CCDC61: variants seen among roughly 807,000 people sequenced by gnomAD.
The protein encoded by CCDC61 is coiled-coil domain containing 61, also known as centrosomal protein CCDC61.
In CCDC61, 55 loss-of-function variants were observed where a neutral mutation model predicts 63.0. The ratio of observed to expected loss-of-function variants is 0.87; its 90% CI spans 0.70 to 1.09. The LOEUF is 1.09. Ranked by LOEUF, CCDC61 falls within the 50% of genes least tolerant of loss-of-function variation. The probability of loss-of-function intolerance (pLI) is 0.00; values close to 1 mark genes in which losing one functional copy is unlikely to be tolerated. For synonymous variants in CCDC61, 270 were observed against 317.0 expected, an observed-to-expected ratio of 0.85 and a Z score of 1.58; for missense variants, 651 against 731.4, an observed-to-expected ratio of 0.89 and a Z score of 1.27.
At chr19:46,017,178 C>T (rs1968960631) in intron 11 of CCDC61, 69 bp from the exon 12 acceptor site, 2 of 1,540,646 alleles carry the variant, frequency 1.3e-6, no homozygotes, top group African/African-American at 1.4e-5. Flanking sequence ...CTTGAAACCA[C>T]AAAGGTCGGG....
intron 5 of CCDC61, among the ~76,000 whole-genome samples, chr19:46,013,739 C>T (rs767614375): frequency 1.3e-5 from 2 of 151,692 alleles, no homozygotes; most frequent in East Asian, 1.9e-4. Flanking sequence ...TGGTGGTGGG[C>T]GCCTGTAATC....
chr19:46,015,344 G>T lies in CCDC61; in HGVS notation c.763-1G>T. 1 of 1,600,372 alleles carries T rather than the reference G, an allele frequency of 6.2e-7. No homozygotes were observed. ...TCCGCGCCCCTCTCCCCTCCCGGCA[G>T]CTCGAGGAGGCGAAGGCATCGGAGC... On this transcript the variant is annotated splice_acceptor_variant, in intron 6 of 13. Coordinates refer to ENST00000595358, the MANE Select transcript of CCDC61 (RefSeq NM_001267723.2). LOFTEE classifies it high-confidence loss of function. The surrounding 1 kb of genome is among the most constrained non-coding windows in gnomAD (Gnocchi z 5.3).
intron 2 of CCDC61, 57 bp downstream of exon 2, chr19:46,003,223 C>A: frequency 1.3e-6 from 2 of 1,540,132 alleles, no homozygotes; most frequent in Non-Finnish European, 1.8e-6. Flanking sequence ...CAGCTTCTCC[C>A]AGAATATCAG....
intron 5 of CCDC61, 24 bp downstream of exon 5, chr19:46,008,325 C>CCTGCAAGGGCTGGA: frequency 3.5e-6 from 2 of 570,900 alleles, no homozygotes; most frequent in Non-Finnish European, 6.7e-6. Flanking sequence ...GGGTGGGCAG[C>CCTGCAAGGGCTGGA]TGGGGCGGGT....
intron 1 of CCDC61, among the ~76,000 whole-genome samples, chr19:46,001,423 C>T (rs1269074475): frequency 6.6e-6 from 1 of 152,156 alleles, no homozygotes; most frequent in Non-Finnish European, 1.5e-5. Flanking sequence ...GACGAGGTTT[C>T]ACCATGTTGG....
In CCDC61 at chr19:46,009,597, T is replaced by TC. The variant is rs1968784668; in HGVS notation, c.551+1297dup. Among the ~76,000 whole-genome samples the TC allele has an allele frequency of 3.3e-5, 5 of 152,296 alleles. No individual in the cohort carries two copies. In the South Asian group the frequency reaches 1.0e-3, roughly 32 times the overall value. On this transcript the variant is annotated intron_variant, in intron 5 of 13. Coordinates refer to ENST00000595358, the MANE Select transcript of CCDC61 (RefSeq NM_001267723.2). ...AGATCCAGGCAGCCAGCGCCGAGCC[T>TC]CTGTTGTTTCCCCAGCTGTTTGCAC...
intron 3 of CCDC61, among the ~76,000 whole-genome samples, chr19:46,004,129 G>A (rs1321019562): frequency 3.3e-5 from 5 of 151,874 alleles, no homozygotes; most frequent in African/African-American, 9.7e-5. Flanking sequence ...TAGTAGAGAC[G>A]GGGTTTCATC....
Position 46,016,519 on chromosome 19 carries a change from G to T in CCDC61, c.1091+126G>T. On this transcript the variant is annotated intron_variant, in intron 9 of 13. Coordinates refer to ENST00000595358, the MANE Select transcript of CCDC61 (RefSeq NM_001267723.2). The surrounding 1 kb of genome is among the most constrained non-coding windows in gnomAD (Gnocchi z 7.2). Reference sequence around the variant, plus strand: ...CTGCTCGCTTCTCGCCGGATACCCCGCCTGCTCTCCCTTCCGTCCGTCCTA... The same window carrying T: ...CTGCTCGCTTCTCGCCGGATACCCCTCCTGCTCTCCCTTCCGTCCGTCCTA... 2 of 1,376,834 alleles carry T rather than the reference G, an allele frequency of 1.5e-6. No homozygotes were observed. Among genetic ancestry groups the T allele is most frequent in the Non-Finnish European group, 2.0e-6 (2 of 996,690 alleles). 85.3% of individuals were successfully genotyped at this position (1,376,834 alleles called of 1,614,324 possible). A position where few individuals can be genotyped will look rare whatever the true frequency, so the allele number is the denominator to read the frequency against.
chr19:46,016,813 C>T lies in CCDC61; in HGVS notation c.1211C>T (p.Ser404Phe), dbSNP rs1968949503. The change falls in exon 10 of 14, where the codon TCC (serine) becomes TTC (phenylalanine). Residue 404 changes from serine to phenylalanine, a missense_variant. Coordinates refer to ENST00000595358, the MANE Select transcript of CCDC61 (RefSeq NM_001267723.2). The surrounding 1 kb of genome is among the most constrained non-coding windows in gnomAD (Gnocchi z 7.2). ...LTGRGDAPNR[S>F]RNRSSSVDSF... Reference sequence around the variant, plus strand: ...GGCCGAGGGGACGCCCCTAACCGCTCCCGAAACCGCAGCTCCTCAGGTAAC... The same window carrying T: ...GGCCGAGGGGACGCCCCTAACCGCTTCCGAAACCGCAGCTCCTCAGGTAAC... 2.6e-6 allele frequency: 4 copies of T among 1,522,050 alleles called. No individual in the cohort carries two copies. The highest frequency in any genetic ancestry group is 3.5e-6 in the Non-Finnish European group (4 of 1,133,426). 94.3% of individuals were successfully genotyped at this position (1,522,050 alleles called of 1,614,324 possible).
rs1968992833 is a variant in CCDC61 at position 46,018,300 on chromosome 19, G to A, written c.1452G>A (p.Ser484=). The part of the protein sequence containing the change: ...GGWVPIKEYS[S]EHQAADMAEI... ...CACCTGCTCTCACAGAGTACAGCTC[G>A]GAGCACCAGGCGGCTGACATGGCCG... Residue 484 remains serine (S), a synonymous_variant, in exon 14 of 14, where the codon TCG becomes TCA. Coordinates refer to ENST00000595358, the MANE Select transcript of CCDC61 (RefSeq NM_001267723.2). The surrounding 1 kb of genome is among the most constrained non-coding windows in gnomAD (Gnocchi z 4.2). 15 of 1,568,350 alleles carry A rather than the reference G, an allele frequency of 9.6e-6. No individual in the cohort carries two copies. The highest frequency in any genetic ancestry group is 1.2e-5 in the Non-Finnish European group (14 of 1,157,040).
intron 1 of CCDC61, among the ~76,000 whole-genome samples, chr19:46,000,224 G>A (rs1968565953): frequency 6.6e-6 from 1 of 151,864 alleles, no homozygotes; most frequent in African/African-American, 2.4e-5. Flanking sequence ...GGGGGTTGGG[G>A]GTGGGGTTAC....
intron 1 of CCDC61, among the ~76,000 whole-genome samples, chr19:46,001,983 C>T (rs536777585): frequency 6.1e-4 from 93 of 152,236 alleles, no homozygotes; most frequent in Admixed American, 1.5e-3. Flanking sequence ...CTCCCCCTGT[C>T]GCCAGGCTGG....
rs376973721 is a variant in CCDC61 at position 46,017,334 on chromosome 19, G to A, written c.1368+30G>A. ...GTAGAAGGGGCAACATAAACCACTG[G>A]AACACAGCTGCCCCCATTTCCTGTG... On this transcript the variant is annotated intron_variant, in intron 12 of 13. Coordinates refer to ENST00000595358, the MANE Select transcript of CCDC61 (RefSeq NM_001267723.2). 1.2e-4 allele frequency: 185 copies of A among 1,541,296 alleles called. 2 individuals carry two copies. The African/African-American group carries it at 1.3e-3, about 10-fold the overall frequency.
In CCDC61 at chr19:46,018,380, G is replaced by A. The variant is rs746041284; in HGVS notation, c.1532G>A (p.Arg511Gln). 23 of 1,566,120 alleles carry A rather than the reference G, an allele frequency of 1.5e-5. No homozygotes were observed. The highest frequency in any genetic ancestry group is 1.1e-4 in the South Asian group (9 of 85,020). Residue 511 changes from arginine to glutamine, a missense_variant, in exon 14 of 14, where the codon CGG becomes CAG. Physicochemically the swap from Arg to Gln is conservative, Grantham distance 43. Transcript: ENST00000595358. This position sits in a 1 kb window ranked among gnomAD's most constrained non-coding sequence, Gnocchi z 4.2. ...LQEYMNRLDM[R>Q]S ...GAGTACATGAACCGACTGGACATGC[G>A]GTCATAACGTGGAGAAGGGGTACTA... is the stretch of plus-strand genomic sequence containing the variant.
chr19:46,012,471 C>A (rs1263826049), intron 5 of CCDC61, among the ~76,000 whole-genome samples: 3 of 152,126 alleles, frequency 2.0e-5, no homozygotes, highest in African/African-American at 4.8e-5. Flanking sequence ...CATGATGAAA[C>A]CCTGTCTCTA....
chr19:46,016,088 C>T lies in CCDC61; in HGVS notation c.880C>T (p.Arg294Trp), dbSNP rs1331266281. 1.6e-6 allele frequency: 2 copies of T among 1,234,578 alleles called. No individual in the cohort carries two copies. Among genetic ancestry groups the T allele is most frequent in the Non-Finnish European group, 2.0e-6 (2 of 990,266 alleles). The allele number at this position is 1,234,578 out of a possible 1,614,324, so 76.5% of individuals were successfully genotyped here. A position where few individuals can be genotyped will look rare whatever the true frequency, so the allele number is the denominator to read the frequency against. ...TCCGCCGGTGCAGCCGCCCCCGACG[C>T]GGGAGGACCGGGCCTCATCGTCCCG... ...RTPPVQPPPT[R>W]EDRASSSRER... The change falls in exon 8 of 14, where the codon CGG becomes TGG. Residue 294 changes from arginine (R) to tryptophan (W), a missense_variant. By Grantham distance (101) the Arg-to-Trp change is moderately radical (BLOSUM62 -3). Transcript: ENST00000595358. This position sits in a 1 kb window ranked among gnomAD's most constrained non-coding sequence, Gnocchi z 7.2.
chr19:46,017,746 G>A (rs969708299), intron 12 of CCDC61, among the ~76,000 whole-genome samples: 1 of 152,158 alleles, frequency 6.6e-6, no homozygotes, highest in African/African-American at 2.4e-5. Context: ...TGAGGGGCAC[G>A]TGATGCTCTT....
In CCDC61 at chr19:46,018,352, C is replaced by T. The variant is rs1330844589; in HGVS notation, c.1504C>T (p.Gln502Ter). 6.3e-7 allele frequency: 1 copy of T among 1,576,180 alleles called. No homozygotes were observed. The highest frequency in any genetic ancestry group is 1.8e-5 in the Admixed American group (1 of 54,216). ...AATAGACGCACGCCTGAAGGCCTTG[C>T]AGGAGTACATGAACCGACTGGACAT... Reference protein sequence around the residue: ...AEIDARLKALQEYMNRLDMRS With the variant: ...AEIDARLKAL Residue 502 changes from glutamine (Q) to a stop codon, truncating the protein, a stop_gained, in exon 14 of 14, where the codon CAG becomes TAG. Coordinates refer to ENST00000595358, the MANE Select transcript of CCDC61 (RefSeq NM_001267723.2). LOFTEE classifies it high-confidence loss of function. This position sits in a 1 kb window ranked among gnomAD's most constrained non-coding sequence, Gnocchi z 4.2.
Position 46,018,108 on chromosome 19 carries a change from C to G in CCDC61, c.1399C>G (p.Gln467Glu), listed in dbSNP as rs1968985454. 1.9e-6 allele frequency: 3 copies of G among 1,611,100 alleles called. No individual in the cohort carries two copies. In the East Asian group the frequency reaches 6.7e-5, roughly 36 times the overall value. ...KSPPVERSHHQKSLANSGGWV... is the reference protein window; with the variant it reads ...KSPPVERSHHEKSLANSGGWV... ...TCCCCCCGTGGAACGCAGCCACCAT[C>G]AGAAATCTCTGGCCAACTCCGGGGG... Residue 467 changes from glutamine (Q) to glutamate (E), a missense_variant, in exon 13 of 14, where the codon CAG becomes GAG. By Grantham distance (29) the Gln-to-Glu change is conservative. Coordinates refer to ENST00000595358, the MANE Select transcript of CCDC61 (RefSeq NM_001267723.2). The surrounding 1 kb of genome is among the most constrained non-coding windows in gnomAD (Gnocchi z 4.2).
Sources: allele counts gnomAD v4.1 joint callset (sites outside exome capture counted in the v4.1 genomes callset), GRCh38; gene constraint gnomAD v4.1.1; non-coding constraint Gnocchi (gnomAD v3.1); transcripts MANE v1.5; gene names NCBI Gene and HGNC (gene_info 2026-07-23, HGNC 2026-07-21).